CUBN: variants seen among roughly 807,000 people sequenced by gnomAD.
CUBN encodes the protein 460 kDa receptor.
A neutral mutation model predicts 405.3 loss-of-function variants in CUBN; 282 were observed. The observed-to-expected ratio is 0.70, with a 90% confidence interval of 0.63 to 0.77. The LOEUF (loss-of-function observed/expected upper bound fraction) is 0.77, where lower values mean the gene tolerates loss of function less well. CUBN is among the 30% of genes least tolerant of loss of function. The pLI is 0.00. For missense variants in CUBN, 4,514 were observed against 4,475.2 expected, an observed-to-expected ratio of 1.01 and a Z score of -0.25; for synonymous variants, 1,684 against 1,617.0, an observed-to-expected ratio of 1.04 and a Z score of -0.99.
At chr10:16,997,179 T>C (rs1274572611) in intron 28 of CUBN, among the ~76,000 whole-genome samples, 1 of 152,176 alleles carries the variant, frequency 6.6e-6, no homozygotes, top group Non-Finnish European at 1.5e-5. Context: ...CTCATGCCTG[T>C]AATCCCAGCA....
At position 16,836,546 on chromosome 10, in the gene CUBN, T is replaced by A. The variant is rs114653294; in HGVS notation, c.10033-164A>T. On this transcript the variant is annotated intron_variant, in intron 62 of 66. Coordinates refer to ENST00000377833, the MANE Select transcript of CUBN (RefSeq NM_001081.4). The stretch of plus-strand genomic sequence containing the variant: ...AAGAAGACTCACGTTGGCCTTGGAA[T>A]TGATGCAAGTTGCACCTTCCCAGAG... Among the ~76,000 whole-genome samples the A allele has an allele frequency of 5.2e-3, 799 of 152,340 alleles. 6 individuals are homozygous for A. The highest frequency in any genetic ancestry group is 0.018 in the African/African-American group (752 of 41,584).
chr10:17,048,214 T>C (rs1835183612), intron 22 of CUBN, among the ~76,000 whole-genome samples: 2 of 152,250 alleles, frequency 1.3e-5, no homozygotes, highest in African/African-American at 4.8e-5. Flanking sequence ...GATAATGCAT[T>C]ACAAGGGCTT....
At chr10:17,059,948 C>A (rs1835467350) in intron 22 of CUBN, among the ~76,000 whole-genome samples, 1 of 152,096 alleles carries the variant, frequency 6.6e-6, no homozygotes, top group Non-Finnish European at 1.5e-5. Context: ...CTCAACTTTG[C>A]AAAACAGCCA....
At chr10:16,992,673 C>G (rs1341788717) in intron 28 of CUBN, among the ~76,000 whole-genome samples, 1 of 152,208 alleles carries the variant, frequency 6.6e-6, no homozygotes, top group Non-Finnish European at 1.5e-5. Flanking sequence ...CTGACTCTAG[C>G]TCAAAGCACT....
intron 27 of CUBN, among the ~76,000 whole-genome samples, chr10:17,035,334 A>G (rs1834871984): frequency 6.6e-6 from 1 of 152,194 alleles, no homozygotes; most frequent in Non-Finnish European, 1.5e-5. Flanking sequence ...ATTGTTGAAC[A>G]TTAGAAAAAA....
intron 29 of CUBN, among the ~76,000 whole-genome samples, chr10:16,987,580 T>A (rs1001118128): frequency 6.6e-6 from 1 of 152,168 alleles, no homozygotes; most frequent in Non-Finnish European, 1.5e-5. Flanking sequence ...CTGAATAAAT[T>A]TTGTGAAACC....
At chr10:17,063,290 T>C (rs1199657246) in intron 22 of CUBN, among the ~76,000 whole-genome samples, 2 of 152,228 alleles carry the variant, frequency 1.3e-5, no homozygotes, top group Non-Finnish European at 2.9e-5. Flanking sequence ...GTCAGACCTA[T>C]GAGTTCATCC....
At chr10:17,065,352 A>G (rs991225598) in intron 22 of CUBN, among the ~76,000 whole-genome samples, 156 bp downstream of exon 22, 1 of 152,164 alleles carries the variant, frequency 6.6e-6, no homozygotes, top group African/African-American at 2.4e-5. Context: ...CACTACTTTT[A>G]ATAAGGAAGG....
chr10:16,837,199 C>T (rs1416869517), intron 62 of CUBN, among the ~76,000 whole-genome samples: 5 of 152,014 alleles, frequency 3.3e-5, no homozygotes, highest in African/African-American at 1.2e-4. Flanking sequence ...ATACATCCCC[C>T]ACCTTTCCAC....
chr10:17,004,217 C>T (rs1833958962), intron 28 of CUBN, among the ~76,000 whole-genome samples: 1 of 152,180 alleles, frequency 6.6e-6, no homozygotes, highest in Non-Finnish European at 1.5e-5. Context: ...CAGTTCAGCA[C>T]TTCTGTTAGT....
rs1840295705 is a variant in CUBN at position 16,869,763 on chromosome 10, A to C, written c.9327T>G (p.Leu3109=). ...GGCGCTTGGAACCGCAGAATTTGCC[A>C]AGAAGGGGATCGCTGGTATTGGCAC... ...YDGANTSDPL[L]GKFCGSKRPP... Residue 3109 remains leucine, a synonymous_variant, in exon 59 of 67, where the codon CTT becomes CTG. Transcript: ENST00000377833. The C allele has an allele frequency of 6.2e-7, 1 of 1,614,152 alleles. No individual in the cohort carries two copies. The highest frequency in any genetic ancestry group is 8.5e-7 in the Non-Finnish European group (1 of 1,179,998).
chr10:16,939,194 C>A (rs371650360), intron 37 of CUBN, 47 bp from the exon 38 acceptor site: 8 of 1,463,622 alleles, frequency 5.5e-6, no homozygotes, highest in Non-Finnish European at 5.7e-6. Flanking sequence ...TAGAATTGCT[C>A]TTTAATCAAA....
intron 28 of CUBN, among the ~76,000 whole-genome samples, chr10:17,000,687 G>A (rs924677959): frequency 2.0e-5 from 3 of 152,200 alleles, no homozygotes; most frequent in African/African-American, 7.2e-5. Flanking sequence ...GCACCATCGT[G>A]CTACTTATTG....
intron 27 of CUBN, among the ~76,000 whole-genome samples, chr10:17,039,828 T>C (rs1834977415): frequency 6.6e-6 from 1 of 152,202 alleles, no homozygotes; most frequent in Non-Finnish European, 1.5e-5. Flanking sequence ...ATTGTACTTT[T>C]GTAAATATAA....
chr10:16,971,293 C>T (rs1304165881), intron 31 of CUBN, among the ~76,000 whole-genome samples: 1 of 152,218 alleles, frequency 6.6e-6, no homozygotes, highest in African/African-American at 2.4e-5. Flanking sequence ...GGGTACGTTT[C>T]CCGTCCAGTG....
At position 17,071,426 on chromosome 10, in the gene CUBN, C is replaced by A. The variant is rs149242963; in HGVS notation, c.2625G>T (p.Glu875Asp). 8.1e-5 allele frequency: 130 copies of A among 1,613,558 alleles called. No individual in the cohort carries two copies. The highest frequency in any genetic ancestry group is 1.1e-4 in the Non-Finnish European group (126 of 1,179,778). Reference sequence around the variant, plus strand: ...AATTCAAAGATTTTTTCCCTCTTACCTCAACATAATCTGTTTCACAGTGGG... The same window carrying A: ...AATTCAAAGATTTTTTCCCTCTTACATCAACATAATCTGTTTCACAGTGGG... ...SSAHCETDYV[E>D]IGSSSILGSP... Residue 875 changes from glutamate to aspartate, a missense_variant and splice_region_variant, in exon 19 of 67, where the codon GAG (glutamate) becomes GAT (aspartate). Physicochemically the swap from Glu to Asp is conservative, Grantham distance 45. Around this residue, in one of 5 missense-constraint regions of CUBN, gnomAD observed 1,448 missense variants for 1,388.0 expected, o/e 1.04. Transcript: ENST00000377833.
intron 13 of CUBN, among the ~76,000 whole-genome samples, chr10:17,102,041 C>A (rs1348121454): frequency 1.3e-5 from 2 of 152,056 alleles, no homozygotes; most frequent in African/African-American, 4.8e-5. Flanking sequence ...AAAATACTGT[C>A]TCAGTAACAA....
At chr10:16,908,650 A>G (rs2131441305) in intron 48 of CUBN, among the ~76,000 whole-genome samples, 1 of 152,328 alleles carries the variant, frequency 6.6e-6, no homozygotes, top group Admixed American at 6.5e-5. Context: ...TTCGCAAACT[A>G]TTCTTCCAAT....
intron 36 of CUBN, among the ~76,000 whole-genome samples, chr10:16,946,770 C>G (rs1842798101): frequency 6.6e-6 from 1 of 152,110 alleles, no homozygotes; most frequent in Admixed American, 6.5e-5. Context: ...TGCGGGATTA[C>G]AGGCATGAGC....
Sources: gnomAD v4.1 joint callset for allele counts (sites outside exome capture counted in the v4.1 genomes callset) on GRCh38, gnomAD v4.1.1 for gene constraint, gnomAD v4.1.1 regional missense constraint, MANE v1.5 for transcripts, NCBI Gene and HGNC (gene_info 2026-07-23, HGNC 2026-07-21) for gene names.